LMBR1: variants seen among roughly 807,000 people sequenced by gnomAD.
LMBR1 encodes limb region 1 protein homolog.
In LMBR1, 52 loss-of-function variants were observed where a neutral mutation model predicts 73.9. That is an observed-to-expected ratio of 0.70 (90% CI 0.56 to 0.89). LMBR1 has a LOEUF of 0.89. LMBR1 is among the 40% of genes least tolerant of loss of function. The pLI, the probability that LMBR1 is intolerant of heterozygous loss-of-function variation, is 0.00. For missense variants in LMBR1, 539 were observed against 579.8 expected (o/e 0.93, Z 0.72); for synonymous variants, 215 against 209.4 (o/e 1.03, Z -0.23).
At chr7:156,687,414 G>A (rs959973018) in intron 16 of LMBR1, among the ~76,000 whole-genome samples, 6 of 152,060 alleles carry the variant, frequency 3.9e-5, no homozygotes, top group African/African-American at 1.2e-4. Context: ...GCACTAATGT[G>A]GAAATAAGCA....
chr7:156,740,238 T>G (rs1026758575), intron 9 of LMBR1, among the ~76,000 whole-genome samples: 1 of 151,858 alleles, frequency 6.6e-6, no homozygotes, highest in Non-Finnish European at 1.5e-5. Context: ...GAATGAAGCA[T>G]GCCTACGATA....
chr7:156,787,239 T>C (rs1452385845), intron 5 of LMBR1, among the ~76,000 whole-genome samples: 1 of 152,200 alleles, frequency 6.6e-6, no homozygotes, highest in African/African-American at 2.4e-5. Context: ...CACGTTACCT[T>C]GTGACCACCC....
intron 5 of LMBR1, among the ~76,000 whole-genome samples, chr7:156,791,261 G>A (rs1037594002): frequency 4.6e-5 from 7 of 152,164 alleles, no homozygotes; most frequent in Admixed American, 2.0e-4. Flanking sequence ...ATATGCGCAT[G>A]TGCCACTAAC....
chr7:156,865,639 G>A (rs1033229633), intron 1 of LMBR1, among the ~76,000 whole-genome samples: 2 of 152,138 alleles, frequency 1.3e-5, no homozygotes, highest in Non-Finnish European at 2.9e-5. Context: ...TGGAAAAAAA[G>A]AGCAAAGCTG....
intron 4 of LMBR1, among the ~76,000 whole-genome samples, chr7:156,813,985 T>C (rs528122605): frequency 1.2e-4 from 19 of 152,276 alleles, no homozygotes; most frequent in African/African-American, 3.8e-4. Context: ...ACAGATACAA[T>C]TGTAAGAATC....
intron 9 of LMBR1, among the ~76,000 whole-genome samples, chr7:156,754,081 A>T (rs1165109229): frequency 6.6e-6 from 1 of 152,218 alleles, no homozygotes; most frequent in Non-Finnish European, 1.5e-5. Flanking sequence ...GGAAAGAAGA[A>T]AGGGTAGAGA....
chr7:156,788,991 G>A (rs760825261), intron 5 of LMBR1, among the ~76,000 whole-genome samples: 2 of 152,160 alleles, frequency 1.3e-5, no homozygotes, highest in African/African-American at 2.4e-5. Context: ...GAGGTGCAGC[G>A]AGCCAAGATC....
At chr7:156,704,226 A>C (rs895493529) in intron 15 of LMBR1, among the ~76,000 whole-genome samples, 3 of 152,202 alleles carry the variant, frequency 2.0e-5, no homozygotes, top group African/African-American at 7.2e-5. Context: ...CACTGCTACC[A>C]ATGAAACCTG....
intron 8 of LMBR1, among the ~76,000 whole-genome samples, chr7:156,759,105 A>C (rs1822482436): frequency 6.6e-6 from 1 of 152,254 alleles, no homozygotes; most frequent in Admixed American, 6.5e-5. Context: ...AATAATTAGA[A>C]GATTTGTTAA....
At chr7:156,873,027 C>A (rs1249652396) in intron 1 of LMBR1, among the ~76,000 whole-genome samples, 1 of 148,460 alleles carries the variant, frequency 6.7e-6, no homozygotes, top group Admixed American at 6.7e-5. Flanking sequence ...GGCGCGTTGG[C>A]ACGTCTGGAG....
rs1229635150 is a variant in LMBR1 at position 156,826,726 on chromosome 7, G to A, written c.198C>T (p.Phe66=). 1.2e-6 allele frequency: 2 copies of A among 1,609,834 alleles called. No individual in the cohort carries two copies. The highest frequency in any genetic ancestry group is 1.3e-5 in the African/African-American group (1 of 74,814). ...VNRISLFLST[F]TLAVSAGAVL... ...CAGCCCCAGCTGACACTGCGAGAGTGAACGTGCTCAAAAACAACCTGGAAG... is the reference window on the plus strand; with the variant it reads ...CAGCCCCAGCTGACACTGCGAGAGTAAACGTGCTCAAAAACAACCTGGAAG... Residue 66 remains phenylalanine (F), a synonymous_variant, in exon 4 of 17, where the codon TTC becomes TTT. Coordinates refer to ENST00000353442, the MANE Select transcript of LMBR1 (RefSeq NM_022458.4).
At position 156,845,520 on chromosome 7, in the gene LMBR1, G is replaced by A. The variant is rs73167906; in HGVS notation, c.67-8635C>T. On this transcript the variant is annotated intron_variant, in intron 1 of 16. Coordinates refer to ENST00000353442, the MANE Select transcript of LMBR1 (RefSeq NM_022458.4). ...CATATTTAAATCAATAATAGTAAAC[G>A]GGAAAAACTATTAAAAGAAAACACT... Among the ~76,000 whole-genome samples, 609 of 151,994 alleles carry A rather than the reference G, an allele frequency of 4.0e-3. 2 individuals are homozygous for A. The highest frequency in any genetic ancestry group is 6.3e-3 in the Non-Finnish European group (426 of 67,974).
chr7:156,843,264 C>A (rs917500510), intron 1 of LMBR1, among the ~76,000 whole-genome samples: 1 of 152,102 alleles, frequency 6.6e-6, no homozygotes, highest in Non-Finnish European at 1.5e-5. Flanking sequence ...CAACATCAAT[C>A]CCAAGGAAGC....
At position 156,680,852 on chromosome 7, in the gene LMBR1, A is replaced by G; in HGVS notation, c.*3226T>C. The G allele has an allele frequency of 4.7e-6, 1 of 212,334 alleles. No individual in the cohort carries two copies. The highest frequency in any genetic ancestry group is 9.3e-6 in the Non-Finnish European group (1 of 107,352). 13.2% of individuals were successfully genotyped at this position (212,334 alleles called of 1,614,324 possible). A position where few individuals can be genotyped will look rare whatever the true frequency, so the allele number is the denominator to read the frequency against. On this transcript the variant is annotated 3_prime_UTR_variant, in exon 17 of 17. Coordinates refer to ENST00000353442, the MANE Select transcript of LMBR1 (RefSeq NM_022458.4). ...AAACAAAAGAACAAATAAACCCCAC[A>G]TATAAATGCTTATAAACCAAATATG...
downstream of LMBR1, among the ~76,000 whole-genome samples, chr7:156,675,414 T>C (rs1040499076): frequency 1.3e-5 from 2 of 152,142 alleles, no homozygotes; most frequent in African/African-American, 4.8e-5. Flanking sequence ...CAAATTCCTT[T>C]GGGAAGGAAT....
chr7:156,750,915 G>GC (rs1286861884), intron 9 of LMBR1, among the ~76,000 whole-genome samples: 1 of 152,122 alleles, frequency 6.6e-6, no homozygotes, highest in African/African-American at 2.4e-5. Context: ...TTTGAGACCA[G>GC]CCTGGGCAAT....
downstream of LMBR1, chr7:156,676,788 G>A (rs1425618084): frequency 1.5e-6 from 1 of 657,334 alleles, no homozygotes; most frequent in East Asian, 2.6e-5. Flanking sequence ...GGTAGTTGTA[G>A]GAAATCTTAG....
chr7:156,829,038 TA>T (rs112349840), intron 3 of LMBR1, among the ~76,000 whole-genome samples: 9,878 of 151,984 alleles, frequency 0.065, 366 homozygotes, highest in East Asian at 0.14. Context: ...CTACCTTATC[TA>T]AAAAAAATCA....
chr7:156,823,343 G>A (rs1452696695), intron 4 of LMBR1: 6 of 151,992 alleles, frequency 3.9e-5, no homozygotes, highest in Admixed American at 3.3e-4. Context: ...CACCTTCATG[G>A]TCTATCAAGA....
Sources: gnomAD v4.1 joint callset for allele counts (sites outside exome capture counted in the v4.1 genomes callset) on GRCh38, gnomAD v4.1.1 for gene constraint, MANE v1.5 for transcripts, NCBI Gene and HGNC (gene_info 2026-07-23, HGNC 2026-07-21) for gene names.